Variants in MLLT3 observed in about 807,000 individuals in gnomAD.
MLLT3 encodes the protein MLLT3 super elongation complex subunit, also known as protein AF-9.
A neutral mutation model predicts 53.2 loss-of-function variants in MLLT3; 4 were observed. The observed-to-expected ratio is 0.08, with a 90% CI of 0.04 to 0.17. The LOEUF is 0.17. Ranked by LOEUF, MLLT3 falls within the 10% of genes least tolerant of loss-of-function variation. The pLI, the probability that MLLT3 is intolerant of heterozygous loss-of-function variation, is 1.00. For missense variants in MLLT3, 569 were observed against 684.0 expected (o/e 0.83, Z 1.87); for synonymous variants, 283 against 230.6 (o/e 1.23, Z -2.06).
chr9:20,577,151 G>T (rs1197298550), intron 2 of MLLT3, among the ~76,000 whole-genome samples: 1 of 152,040 alleles, frequency 6.6e-6, no homozygotes, highest in Middle Eastern at 3.2e-3. Context: ...ACTGTTCTGT[G>T]TGGTGATTTA....
chr9:20,518,924 G>A (rs1817984641), intron 2 of MLLT3, among the ~76,000 whole-genome samples: 1 of 152,212 alleles, frequency 6.6e-6, no homozygotes, highest in Non-Finnish European at 1.5e-5. Flanking sequence ...TGGGATCCTG[G>A]TTTGGATCCT....
In MLLT3 at chr9:20,424,045, A is replaced by G. The variant is rs181711762; in HGVS notation, c.421-9620T>C. On this transcript the variant is annotated intron_variant, in intron 4 of 10. Transcript: ENST00000380338. ...TTGTGTTGAGTAGTATAACAAATCT[A>G]GAAATAATTTAAGGCATACAGGAGG... Among the ~76,000 whole-genome samples, 5 of 152,334 alleles carry G rather than the reference A, an allele frequency of 3.3e-5. No individual in the cohort carries two copies. In the East Asian group the frequency reaches 9.6e-4, roughly 29 times the overall value.
chr9:20,565,355 T>G (rs554355968), intron 2 of MLLT3, among the ~76,000 whole-genome samples: 114 of 152,248 alleles, frequency 7.5e-4, no homozygotes, highest in African/African-American at 2.5e-3. Context: ...TGAGCTGTAA[T>G]GCAACTGTGC....
chr9:20,432,147 T>A (rs767475964), intron 4 of MLLT3, among the ~76,000 whole-genome samples: 49 of 152,310 alleles, frequency 3.2e-4, no homozygotes, highest in Non-Finnish European at 5.6e-4. Context: ...AGCAGATACT[T>A]ATTTATTAGC....
At chr9:20,596,552 A>T (rs770007879) in intron 2 of MLLT3, among the ~76,000 whole-genome samples, 29 of 152,104 alleles carry the variant, frequency 1.9e-4, no homozygotes, top group Admixed American at 1.9e-3. Context: ...TTAGCTGGGC[A>T]TGGTGGTGCA....
At chr9:20,537,242 G>A (rs963163539) in intron 2 of MLLT3, among the ~76,000 whole-genome samples, 3 of 152,112 alleles carry the variant, frequency 2.0e-5, no homozygotes, top group Non-Finnish European at 4.4e-5. Context: ...AAGAGCTAAG[G>A]CCAAATCAAT....
At chr9:20,525,921 T>G (rs768501670) in intron 2 of MLLT3, among the ~76,000 whole-genome samples, 10 of 152,216 alleles carry the variant, frequency 6.6e-5, no homozygotes, top group Non-Finnish European at 7.3e-5. Flanking sequence ...ACATTTGTAC[T>G]GAGACCAAAA....
At chr9:20,580,958 C>A (rs1819777765) in intron 2 of MLLT3, among the ~76,000 whole-genome samples, 1 of 152,198 alleles carries the variant, frequency 6.6e-6, no homozygotes, top group African/African-American at 2.4e-5. Flanking sequence ...ATATTCCAAA[C>A]AAGCAATGCA....
chr9:20,365,462 C>T (rs868676224), intron 6 of MLLT3, among the ~76,000 whole-genome samples: 2 of 152,198 alleles, frequency 1.3e-5, no homozygotes, highest in South Asian at 2.1e-4. Context: ...CTCAGCCCCC[C>T]GAGCAGCTGG....
intron 2 of MLLT3, among the ~76,000 whole-genome samples, chr9:20,482,226 T>A (rs1449423961): frequency 6.6e-6 from 1 of 152,208 alleles, no homozygotes; most frequent in Non-Finnish European, 1.5e-5. Context: ...CCAAATGGAA[T>A]CACACATTCT....
chr9:20,536,332 G>C lies in MLLT3; in HGVS notation c.194-79546C>G, dbSNP rs539577375. Among the ~76,000 whole-genome samples the C allele has an allele frequency of 2.6e-5, 4 of 152,324 alleles. No homozygotes were observed. In the East Asian group the frequency reaches 7.7e-4, roughly 29 times the overall value. On this transcript the variant is annotated intron_variant, in intron 2 of 10. Transcript: ENST00000380338. ...CATGCTTGTCCTTGGGAGTGAGCAAGTGTCCAGGGTTTTGGCAGGGCACAC... is the reference window on the plus strand; with the variant it reads ...CATGCTTGTCCTTGGGAGTGAGCAACTGTCCAGGGTTTTGGCAGGGCACAC...
intron 2 of MLLT3, among the ~76,000 whole-genome samples, chr9:20,525,520 C>T (rs1188129720): frequency 6.6e-6 from 1 of 152,092 alleles, no homozygotes; most frequent in Non-Finnish European, 1.5e-5. Flanking sequence ...ATAAAGACAT[C>T]TTAGAGTTTT....
chr9:20,347,914 C>G (rs1475610003), intron 10 of MLLT3, among the ~76,000 whole-genome samples: 1 of 152,154 alleles, frequency 6.6e-6, no homozygotes, highest in Non-Finnish European at 1.5e-5. Context: ...AAACTTTTAA[C>G]CTTCTCTTCT....
chr9:20,431,127 C>G (rs1823258503), intron 4 of MLLT3, among the ~76,000 whole-genome samples: 1 of 152,064 alleles, frequency 6.6e-6, no homozygotes, highest in Admixed American at 6.6e-5. Context: ...ATTGCTATAA[C>G]TATTATATAA....
At chr9:20,513,187 T>C (rs915442953) in intron 2 of MLLT3, among the ~76,000 whole-genome samples, 2 of 152,198 alleles carry the variant, frequency 1.3e-5, no homozygotes, top group African/African-American at 4.8e-5. Flanking sequence ...GTGTCTGACC[T>C]GTGACCAGGT....
intron 2 of MLLT3, among the ~76,000 whole-genome samples, chr9:20,584,398 C>T (rs1391719911): frequency 6.6e-6 from 1 of 152,194 alleles, no homozygotes; most frequent in Non-Finnish European, 1.5e-5. Flanking sequence ...TTCCACATTT[C>T]TGGGTATCTT....
chr9:20,500,491 ACAGAAGTAGCAAAAT>A (rs1825194749), intron 2 of MLLT3, among the ~76,000 whole-genome samples: 1 of 152,252 alleles, frequency 6.6e-6, no homozygotes, highest in Admixed American at 6.5e-5. Flanking sequence ...CCTCTCAAAG[ACAGAAGTAGCAAAAT>A]CAACTGTGAG....
intron 2 of MLLT3, among the ~76,000 whole-genome samples, chr9:20,480,668 C>T (rs1283784616): frequency 6.6e-6 from 1 of 152,134 alleles, no homozygotes; most frequent in African/African-American, 2.4e-5. Context: ...TTCTGTTCAC[C>T]CTAATGGGAT....
chr9:20,491,692 G>T (rs1043006484), intron 2 of MLLT3, among the ~76,000 whole-genome samples: 1 of 152,092 alleles, frequency 6.6e-6, no homozygotes, highest in Non-Finnish European at 1.5e-5. Context: ...AACAGTAAGT[G>T]TCAAAAAGTA....
Sources: allele counts gnomAD v4.1 joint callset (sites outside exome capture counted in the v4.1 genomes callset), GRCh38; gene constraint gnomAD v4.1.1; transcripts MANE v1.5; gene names NCBI Gene and HGNC (gene_info 2026-07-23, HGNC 2026-07-21).